Variants in ADGRV1 observed in about 807,000 individuals in gnomAD.
The protein encoded by ADGRV1 is G-protein coupled receptor 98.
In ADGRV1, 359 loss-of-function variants were observed where a neutral mutation model predicts 596.2. The ratio of observed to expected loss-of-function variants is 0.60; its 90% confidence interval spans 0.55 to 0.66. The LOEUF is 0.66. Among genes scored for constraint, ADGRV1 ranks in the 30% least tolerant of loss-of-function variants. The pLI, the probability that ADGRV1 is intolerant of heterozygous loss-of-function variation, is 0.00. For synonymous variants in ADGRV1, 2,681 were observed against 2,679.2 expected, an observed-to-expected ratio of 1.00 and a Z score of -0.02; for missense variants, 7,274 against 7,575.6, an observed-to-expected ratio of 0.96 and a Z score of 1.48.
chr5:91,076,567 C>A lies in ADGRV1; in HGVS notation c.18310+3963C>A, dbSNP rs1411382378. Among the ~76,000 whole-genome samples the A allele has an allele frequency of 2.0e-5, 3 of 151,920 alleles. No individual in the cohort carries two copies. In the East Asian group the frequency reaches 5.8e-4, roughly 29 times the overall value. ...ATAACTGTAAAAATGGATACCCAAG[C>A]TAAAGATAGCATTAAGAAGAGAAAC... On this transcript the variant is annotated intron_variant, in intron 86 of 89. Transcript: ENST00000405460.
chr5:90,891,865 A>G (rs1052266923), intron 83 of ADGRV1, among the ~76,000 whole-genome samples: 3 of 152,150 alleles, frequency 2.0e-5, no homozygotes, highest in Admixed American at 6.5e-5. Flanking sequence ...TATATTTGTA[A>G]TTATTAATGT....
intron 83 of ADGRV1, among the ~76,000 whole-genome samples, chr5:90,918,277 G>A (rs1052515146): frequency 1.1e-4 from 17 of 152,248 alleles, no homozygotes; most frequent in African/African-American, 3.6e-4. Flanking sequence ...CTTTCAGGAA[G>A]CCTGCAATGG....
rs375468619 is a variant in ADGRV1 at position 90,728,688 on chromosome 5, G to C, written c.10181G>C (p.Gly3394Ala). The C allele has an allele frequency of 1.2e-5, 19 of 1,609,894 alleles. No homozygotes were observed. The highest frequency in any genetic ancestry group is 1.6e-5 in the Non-Finnish European group (19 of 1,177,094). Residue 3394 changes from glycine (G) to alanine (A), a missense_variant, in exon 49 of 90, where the codon GGA becomes GCA. Coordinates refer to ENST00000405460, the MANE Select transcript of ADGRV1 (RefSeq NM_032119.4). The stretch of plus-strand genomic sequence containing the variant: ...CTTCAGGTCTTCAGGTGGAATGGAG[G>C]AAGCTTCGTGTTGCATCAAAAACTC... ...ELTQVFRWNG[G>A]SFVLHQKLPV...
At chr5:90,722,556 C>CA (rs1320490143) in intron 45 of ADGRV1, among the ~76,000 whole-genome samples, 6 of 149,528 alleles carry the variant, frequency 4.0e-5, no homozygotes. Context: ...ACTAAAAATA[C>CA]AAAAAAAATT....
intron 11 of ADGRV1, among the ~76,000 whole-genome samples, chr5:90,641,209 C>A (rs528177438): frequency 1.3e-5 from 2 of 152,124 alleles, no homozygotes; most frequent in Non-Finnish European, 2.9e-5. Context: ...TGCTGTACTT[C>A]TGAAATTTTT....
At chr5:90,912,065 CAT>C (rs765364052) in intron 83 of ADGRV1, among the ~76,000 whole-genome samples, 29 of 152,076 alleles carry the variant, frequency 1.9e-4, no homozygotes, top group Admixed American at 6.5e-4. Flanking sequence ...TGTTATGAAA[CAT>C]GTAAGTTTCC....
At chr5:90,817,680 C>G (rs376763148) in intron 75 of ADGRV1, among the ~76,000 whole-genome samples, 1 of 152,014 alleles carries the variant, frequency 6.6e-6, no homozygotes. Context: ...AATCCTTTCC[C>G]CATTGCTTGT....
intron 7 of ADGRV1, 30 bp from the exon 8 acceptor site, chr5:90,628,532 A>G: frequency 6.3e-7 from 1 of 1,589,058 alleles, no homozygotes. Flanking sequence ...GTACTATGTG[A>G]CAATATGTAT....
chr5:90,954,484 A>G (rs1159748020), intron 83 of ADGRV1, among the ~76,000 whole-genome samples: 1 of 152,154 alleles, frequency 6.6e-6, no homozygotes, highest in Non-Finnish European at 1.5e-5. Flanking sequence ...ACAAAATCCT[A>G]AAGACATATA....
chr5:91,113,824 C>G (rs1348761788), intron 87 of ADGRV1, among the ~76,000 whole-genome samples: 1 of 152,082 alleles, frequency 6.6e-6, no homozygotes, highest in East Asian at 1.9e-4. Context: ...GAGGCTGAGG[C>G]AGGAGAATTG....
At chr5:90,617,729 T>C (rs1202682045) in intron 2 of ADGRV1, 75 bp from the exon 3 acceptor site, 1 of 1,200,644 alleles carries the variant, frequency 8.3e-7, no homozygotes, top group Middle Eastern at 2.0e-4. Context: ...TTCTCTTGAT[T>C]GCTGTAATTA....
intron 57 of ADGRV1, among the ~76,000 whole-genome samples, chr5:90,757,762 G>A (rs1755993465): frequency 6.6e-6 from 1 of 152,134 alleles, no homozygotes; most frequent in African/African-American, 2.4e-5. Flanking sequence ...TTTGTAATAT[G>A]TAAGAATAAG....
intron 29 of ADGRV1, among the ~76,000 whole-genome samples, chr5:90,688,712 A>G (rs1746042872): frequency 1.3e-5 from 2 of 152,170 alleles, no homozygotes; most frequent in South Asian, 4.1e-4. Context: ...AGCTATGATG[A>G]CCAAAATATG....
intron 41 of ADGRV1, 34 bp from the exon 42 acceptor site, chr5:90,712,253 A>T (rs777238877): frequency 7.1e-5 from 95 of 1,333,678 alleles, no homozygotes; most frequent in Non-Finnish European, 9.4e-5. Flanking sequence ...GTGTATATAA[A>T]TATAATACAT....
intron 21 of ADGRV1, among the ~76,000 whole-genome samples, chr5:90,669,555 C>G (rs145161942): frequency 1.3e-5 from 2 of 152,260 alleles, no homozygotes; most frequent in Non-Finnish European, 2.9e-5. Context: ...GGCATATTAT[C>G]TTTAAAAAAC....
chr5:90,643,061 C>G lies in ADGRV1; in HGVS notation c.2553+20C>G. On this transcript the variant is annotated intron_variant, in intron 13 of 89. Transcript: ENST00000405460. ...CCAGAGGTATGGGATTTTATATTTT[C>G]TTTGTGTTTCTCTGTAAGATTGATA... 1 of 1,586,040 alleles carries G rather than the reference C, an allele frequency of 6.3e-7. No individual in the cohort carries two copies. Among genetic ancestry groups the G allele is most frequent in the Non-Finnish European group, 8.7e-7 (1 of 1,155,736 alleles).
chr5:90,967,766 A>G (rs114094770), intron 84 of ADGRV1, among the ~76,000 whole-genome samples: 4,389 of 152,296 alleles, frequency 0.029, 199 homozygotes, highest in African/African-American at 0.098. Context: ...AACTAGAGTG[A>G]AAGAGACATC....
At chr5:90,804,016 G>A (rs1761662583) in intron 71 of ADGRV1, among the ~76,000 whole-genome samples, 1 of 152,184 alleles carries the variant, frequency 6.6e-6, no homozygotes, top group Non-Finnish European at 1.5e-5. Flanking sequence ...GCATGTGTGT[G>A]TGTATGTGTG....
chr5:90,817,232 G>A (rs1480182979), intron 75 of ADGRV1, among the ~76,000 whole-genome samples: 2 of 150,692 alleles, frequency 1.3e-5, no homozygotes, highest in African/African-American at 5.0e-5. Context: ...GTCTGTTCAT[G>A]TCCTTCACCC....
Sources: gnomAD v4.1 joint callset for allele counts (sites outside exome capture counted in the v4.1 genomes callset) on GRCh38, gnomAD v4.1.1 for gene constraint, MANE v1.5 for transcripts, NCBI Gene and HGNC (gene_info 2026-07-23, HGNC 2026-07-21) for gene names.